LPIN1: variants seen among roughly 807,000 people sequenced by gnomAD.
LPIN1 encodes the protein phosphatidate phosphatase LPIN1.
In LPIN1, 71 loss-of-function variants were observed where a neutral mutation model predicts 107.5. The observed-to-expected ratio is 0.66, with a 90% CI of 0.55 to 0.80. The LOEUF is 0.80. LPIN1 is among the 30% of genes least tolerant of loss of function. The pLI is 0.00. For missense variants in LPIN1, 1,043 were observed against 1,160.6 expected, an observed-to-expected ratio of 0.90 and a Z score of 1.47; for synonymous variants, 445 against 452.6, an observed-to-expected ratio of 0.98 and a Z score of 0.21.
intron 1 of LPIN1, among the ~76,000 whole-genome samples, chr2:11,729,869 C>G (rs1665018085): frequency 6.6e-6 from 1 of 151,786 alleles, no homozygotes; most frequent in South Asian, 2.1e-4. Flanking sequence ...ATAGAAAATG[C>G]CTCTGTGTGT....
upstream of LPIN1, among the ~76,000 whole-genome samples, chr2:11,723,357 T>A (rs1241979814): frequency 6.6e-6 from 1 of 152,186 alleles, no homozygotes; most frequent in Non-Finnish European, 1.5e-5. Context: ...TAAGCATCTA[T>A]GTAAAGACTG....
chr2:11,725,031 G>A (rs1352786471), intron 1 of LPIN1, among the ~76,000 whole-genome samples: 1 of 152,210 alleles, frequency 6.6e-6, no homozygotes, highest in Non-Finnish European at 1.5e-5. Flanking sequence ...GGAGGCCGAG[G>A]CGGGCGGATC....
intron 1 of LPIN1, among the ~76,000 whole-genome samples, chr2:11,712,407 C>A (rs1488329401): frequency 1.3e-5 from 2 of 152,168 alleles, no homozygotes; most frequent in Non-Finnish European, 2.9e-5. Context: ...TCTCTCTGGA[C>A]CCTGGGCATA....
At chr2:11,686,929 A>G (rs1482737982) in intron 1 of LPIN1, among the ~76,000 whole-genome samples, 1 of 150,542 alleles carries the variant, frequency 6.6e-6, no homozygotes, top group Non-Finnish European at 1.5e-5. Flanking sequence ...TCTAGATTTC[A>G]GGAATCATTC....
chr2:11,787,295 A>T, intron 11 of LPIN1, 128 bp downstream of exon 11: 1 of 717,144 alleles, frequency 1.4e-6, no homozygotes, highest in South Asian at 1.6e-5. Context: ...GCATTATTGC[A>T]TTATCTTCAC....
intron 1 of LPIN1, among the ~76,000 whole-genome samples, chr2:11,753,643 T>A (rs1668205583): frequency 6.6e-6 from 1 of 152,340 alleles, no homozygotes; most frequent in East Asian, 1.9e-4. Flanking sequence ...ACCCTGAGTC[T>A]GAGCCAGACT....
At chr2:11,775,827 G>A (rs995253361) in intron 5 of LPIN1, among the ~76,000 whole-genome samples, 4 of 147,710 alleles carry the variant, frequency 2.7e-5, no homozygotes, top group Non-Finnish European at 5.9e-5. Context: ...AATACTTTAC[G>A]TAATATATAT....
At chr2:11,683,726 G>A (rs1661852896) in intron 1 of LPIN1, among the ~76,000 whole-genome samples, 1 of 152,318 alleles carries the variant, frequency 6.6e-6, no homozygotes, top group East Asian at 1.9e-4. Context: ...GCCCTGCACT[G>A]CCGCTCTGTT....
At chr2:11,769,610 G>C (rs1217861386) in intron 3 of LPIN1, among the ~76,000 whole-genome samples, 2 of 151,502 alleles carry the variant, frequency 1.3e-5, no homozygotes, top group Non-Finnish European at 2.9e-5. Context: ...TTTAAAGTTT[G>C]TGTTTACCTT....
chr2:11,680,324 T>C (rs1270678367), intron 1 of LPIN1, among the ~76,000 whole-genome samples: 1 of 152,192 alleles, frequency 6.6e-6, no homozygotes, highest in East Asian at 1.9e-4. Flanking sequence ...GCATCACCTG[T>C]GCTGTTGGCC....
In LPIN1 at chr2:11,824,710, G is replaced by T. The variant is rs141443021; in HGVS notation, c.2700G>T (p.Ser900=). The T allele has an allele frequency of 6.2e-7, 1 of 1,613,988 alleles. No individual in the cohort carries two copies. The highest frequency in any genetic ancestry group is 8.5e-7 in the Non-Finnish European group (1 of 1,180,036). The change falls in exon 21 of 21, where the codon TCG becomes TCT. Residue 900 remains serine (S), a synonymous_variant. Transcript: ENST00000674199. Reference sequence around the variant, plus strand: ...GCCATTCTTCAGACTTTCCCTGTTCGGATACCTTCAGTAACTTCACCTTTT... The same window carrying T: ...GCCATTCTTCAGACTTTCCCTGTTCTGATACCTTCAGTAACTTCACCTTTT... ...KRSHSSDFPC[S]DTFSNFTFWR... is the part of the protein sequence containing the mutation.
intron 17 of LPIN1, among the ~76,000 whole-genome samples, chr2:11,813,606 T>G (rs1001278861): frequency 6.6e-6 from 1 of 152,038 alleles, no homozygotes. Context: ...GACACTAAAT[T>G]TTTGATAGTT....
At chr2:11,690,569 T>G (rs146383439) in intron 1 of LPIN1, among the ~76,000 whole-genome samples, 69 of 152,324 alleles carry the variant, frequency 4.5e-4, no homozygotes, top group African/African-American at 1.3e-3. Flanking sequence ...TTAATTCTCC[T>G]TTCTGGCACG....
intron 1 of LPIN1, among the ~76,000 whole-genome samples, chr2:11,680,115 A>G (rs1661632019): frequency 6.6e-6 from 1 of 152,152 alleles, no homozygotes; most frequent in Non-Finnish European, 1.5e-5. Context: ...GCAGTCCAGG[A>G]ATGCTGAGGG....
upstream of LPIN1, among the ~76,000 whole-genome samples, chr2:11,721,068 T>G (rs1366244966): frequency 6.6e-6 from 1 of 152,120 alleles, no homozygotes; most frequent in Non-Finnish European, 1.5e-5. Context: ...CCAATTGGGT[T>G]AGCTGTGCCT....
At chr2:11,699,530 C>T (rs1335575910) in intron 1 of LPIN1, among the ~76,000 whole-genome samples, 1 of 151,988 alleles carries the variant, frequency 6.6e-6, no homozygotes, top group Non-Finnish European at 1.5e-5. Context: ...CATGGGAGCA[C>T]CTTTCCTTCT....
At chr2:11,750,175 G>A (rs527827016) in intron 1 of LPIN1, among the ~76,000 whole-genome samples, 5 of 152,014 alleles carry the variant, frequency 3.3e-5, no homozygotes, top group East Asian at 1.9e-4. Flanking sequence ...TGATGAAGTC[G>A]TCCTCCGCGT....
At position 11,815,198 on chromosome 2, in the gene LPIN1, C is replaced by G. The variant is rs758478234; in HGVS notation, c.2360C>G (p.Pro787Arg). Residue 787 changes from proline to arginine, a missense_variant, in exon 18 of 21, where the codon CCC (proline) becomes CGC (arginine). By Grantham distance (103) the Pro-to-Arg change is moderately radical. Coordinates refer to ENST00000674199, the MANE Select transcript of LPIN1 (RefSeq NM_001349206.2). ...AGGGGCACGGTGCTGCCCCAGGGGC[C>G]CCTGCTGCTGAGTCCCAGCAGCCTC... The part of the protein sequence containing the change: ...NERGTVLPQG[P>R]LLLSPSSLFS... The G allele has an allele frequency of 9.9e-6, 16 of 1,614,030 alleles. No individual in the cohort carries two copies. In the South Asian group the frequency reaches 1.8e-4, roughly 18 times the overall value.
chr2:11,805,583 C>A, intron 17 of LPIN1: 1 of 318,014 alleles, frequency 3.1e-6, no homozygotes, highest in Non-Finnish European at 6.1e-6. Context: ...TGCGAGCCAA[C>A]CAGCAGGGCA....
Sources: gnomAD v4.1 joint callset for allele counts (sites outside exome capture counted in the v4.1 genomes callset) on GRCh38, gnomAD v4.1.1 for gene constraint, MANE v1.5 for transcripts, NCBI Gene and HGNC (gene_info 2026-07-23, HGNC 2026-07-21) for gene names.